MSL3B: variants seen among roughly 807,000 people sequenced by gnomAD.
MSL3B encodes MSL complex subunit 3 pseudogene 1.
the MSL3B span, among the ~76,000 whole-genome samples, chr2:233,864,795 C>A: frequency 0.21 from 31,191 of 152,146 alleles, 4,052 homozygotes; most frequent in Middle Eastern, 0.31. Flanking sequence ...CTCCAGTGCT[C>A]TAACCTCACA....
chr2:233,864,788 C>T, the MSL3B span, among the ~76,000 whole-genome samples: 1 of 152,178 alleles, frequency 6.6e-6, no homozygotes, highest in Non-Finnish European at 1.5e-5. Flanking sequence ...CTTCAAACTC[C>T]AGTGCTCTAA....
chr2:233,866,889 G>A, the MSL3B span: 1 of 1,467,754 alleles, frequency 6.8e-7, no homozygotes, highest in South Asian at 1.1e-5. Context: ...ACCAACGGGA[G>A]AGTGTAATCA....
chr2:233,868,069 T>G, the MSL3B span: 1 of 261,588 alleles, frequency 3.8e-6, no homozygotes, highest in Non-Finnish European at 8.3e-6. Context: ...GAAACAGGCG[T>G]GAGGCACCGC....
chr2:233,864,827 G>T, the MSL3B span, among the ~76,000 whole-genome samples: 4 of 152,238 alleles, frequency 2.6e-5, no homozygotes, highest in African/African-American at 9.6e-5. Flanking sequence ...TCTCAATTTG[G>T]ACTAGCACAG....
chr2:233,866,797 T>C, the MSL3B span: 1 of 853,156 alleles, frequency 1.2e-6, no homozygotes, highest in East Asian at 2.4e-5. Flanking sequence ...TATTAGTATT[T>C]GTGGCACTTT....
the MSL3B span, among the ~76,000 whole-genome samples, chr2:233,865,053 A>C: frequency 1.3e-5 from 2 of 152,154 alleles, no homozygotes; most frequent in South Asian, 4.1e-4. Flanking sequence ...CTGAAGCCAC[A>C]GTGGGAAGAT....
chr2:233,867,596 C>G, the MSL3B span: 1 of 221,514 alleles, frequency 4.5e-6, no homozygotes, highest in Non-Finnish European at 8.8e-6. Flanking sequence ...CTGCCTCAGC[C>G]TCCAGAGTAG....
At chr2:233,866,252 T>C in the MSL3B span, 5 of 716,358 alleles carry the variant, frequency 7.0e-6, no homozygotes, top group Non-Finnish European at 1.3e-5. Flanking sequence ...ATCAAAGTGC[T>C]TCAATAAAGC....
chr2:233,866,273 T>C, the MSL3B span: 1 of 738,380 alleles, frequency 1.4e-6, no homozygotes, highest in Non-Finnish European at 2.5e-6. Context: ...CTTCAGATTC[T>C]TCTCAGTAAA....
At chr2:233,867,192 C>T in the MSL3B span, 6 of 778,162 alleles carry the variant, frequency 7.7e-6, no homozygotes, top group Non-Finnish European at 1.4e-5. Context: ...GTTCTTTCTT[C>T]CATTTCCCTT....
chr2:233,867,844 G>A, the MSL3B span, among the ~76,000 whole-genome samples: 1 of 141,376 alleles, frequency 7.1e-6, no homozygotes, highest in East Asian at 2.1e-4. Flanking sequence ...CCAGGCTAGA[G>A]TGCAATGGCG....
At chr2:233,867,198 C>G in the MSL3B span, 3 of 776,236 alleles carry the variant, frequency 3.9e-6, no homozygotes, top group African/African-American at 5.1e-5. Context: ...TCTTCCATTT[C>G]CCTTTTTGTT....
the MSL3B span, chr2:233,866,833 T>C: frequency 1.9e-6 from 2 of 1,049,410 alleles, no homozygotes; most frequent in South Asian, 1.3e-5. Flanking sequence ...AAACCTTAGA[T>C]GCAGTCACCT....
At chr2:233,868,060 A>T in the MSL3B span, 1 of 250,390 alleles carries the variant, frequency 4.0e-6, no homozygotes, top group Non-Finnish European at 8.8e-6. Context: ...AAATGCTGGG[A>T]AACAGGCGTG....
At chr2:233,867,568 C>T in the MSL3B span, 11 of 223,140 alleles carry the variant, frequency 4.9e-5, no homozygotes, top group African/African-American at 1.7e-4. Flanking sequence ...CTCCGCCTCC[C>T]GGGTTCAAGT....
chr2:233,865,967 A>C, the MSL3B span: 1 of 362,724 alleles, frequency 2.8e-6, no homozygotes, highest in Non-Finnish European at 5.3e-6. Flanking sequence ...CAGAGTAACT[A>C]CAGTACATGG....
the MSL3B span, among the ~76,000 whole-genome samples, chr2:233,865,054 G>A: frequency 0.56 from 85,234 of 152,086 alleles, 24,257 homozygotes; most frequent in East Asian, 0.73. Flanking sequence ...TGAAGCCACA[G>A]TGGGAAGATA....
chr2:233,865,640 A>G, the MSL3B span: 2 of 152,742 alleles, frequency 1.3e-5, no homozygotes, highest in East Asian at 3.8e-4. Flanking sequence ...TTTTGCCATC[A>G]ATATGGATTC....
At chr2:233,866,831 G>C in the MSL3B span, 1 of 1,039,196 alleles carries the variant, frequency 9.6e-7, no homozygotes, top group Non-Finnish European at 1.5e-6. Context: ...AAAAACCTTA[G>C]ATGCAGTCAC....
Sources: gnomAD v4.1 joint callset for allele counts (sites outside exome capture counted in the v4.1 genomes callset) on GRCh38, gnomAD v4.1.1 for gene constraint, MANE v1.5 for transcripts, NCBI Gene and HGNC (gene_info 2026-07-23, HGNC 2026-07-21) for gene names.